The following ATP8A1 variants were observed in gnomAD, a reference collection of about 807,000 sequenced individuals.
ATP8A1 encodes ATPase phospholipid transporting 8A1, also known as phospholipid-transporting ATPase IA.
Under a neutral mutation model 177.7 loss-of-function variants are expected in ATP8A1, and 90 were observed. That is an observed-to-expected ratio of 0.51 (90% CI 0.43 to 0.60). The LOEUF is 0.60. Ranked by LOEUF, ATP8A1 falls within the 20% of genes least tolerant of loss-of-function variation. The pLI is 0.00. For synonymous variants in ATP8A1, 493 were observed against 485.9 expected (o/e 1.01, Z -0.19); for missense variants, 1,072 against 1,392.8 (o/e 0.77, Z 3.67).
chr4:42,530,304 T>C (rs1182279798), intron 20 of ATP8A1, among the ~76,000 whole-genome samples: 1 of 152,180 alleles, frequency 6.6e-6, no homozygotes, highest in Non-Finnish European at 1.5e-5. Flanking sequence ...TATGGCACCA[T>C]TCCTTGGGGT....
chr4:42,606,036 T>G (rs116489994), intron 5 of ATP8A1, among the ~76,000 whole-genome samples: 1,751 of 152,348 alleles, frequency 0.011, 32 homozygotes, highest in Non-Finnish European at 0.019. Context: ...CATTCTTGTT[T>G]TTTCTTTCCC....
At chr4:42,431,973 C>A (rs112477996) in intron 33 of ATP8A1, among the ~76,000 whole-genome samples, 1 of 152,284 alleles carries the variant, frequency 6.6e-6, no homozygotes, top group East Asian at 1.9e-4. Context: ...TCTTTCCAAC[C>A]GCATTGTGGC....
At chr4:42,552,110 C>G (rs1729559566) in intron 17 of ATP8A1, among the ~76,000 whole-genome samples, 1 of 152,134 alleles carries the variant, frequency 6.6e-6, no homozygotes, top group African/African-American at 2.4e-5. Flanking sequence ...AATTGGTGTT[C>G]TAAAGTTATA....
intron 1 of ATP8A1, among the ~76,000 whole-genome samples, chr4:42,652,593 C>T (rs1474161686): frequency 1.3e-5 from 2 of 152,130 alleles, no homozygotes; most frequent in African/African-American, 2.4e-5. Context: ...GCTGTGTCCC[C>T]ACCCAAATCT....
At chr4:42,557,302 A>T (rs1350222390) in intron 15 of ATP8A1, among the ~76,000 whole-genome samples, 1 of 152,236 alleles carries the variant, frequency 6.6e-6, no homozygotes, top group Non-Finnish European at 1.5e-5. Context: ...AAAAAATCTA[A>T]GAAAAAGATA....
chr4:42,514,390 T>C (rs1186350464), intron 22 of ATP8A1, among the ~76,000 whole-genome samples: 1 of 152,220 alleles, frequency 6.6e-6, no homozygotes, highest in African/African-American at 2.4e-5. Context: ...GAACCTATCC[T>C]ACCAGAAAGG....
At chr4:42,528,395 C>T (rs563908634) in intron 20 of ATP8A1, among the ~76,000 whole-genome samples, 100 of 152,142 alleles carry the variant, frequency 6.6e-4, no homozygotes, top group Non-Finnish European at 1.2e-3. Context: ...ACTTGAAAGA[C>T]GCAGGGGTGG....
At chr4:42,415,506 T>C (rs1381932853) in intron 35 of ATP8A1, among the ~76,000 whole-genome samples, 1 of 152,202 alleles carries the variant, frequency 6.6e-6, no homozygotes, top group Admixed American at 6.5e-5. Context: ...ATTTGTTGAA[T>C]ACGTGAAGTT....
intron 5 of ATP8A1, among the ~76,000 whole-genome samples, chr4:42,607,105 C>A (rs981553787): frequency 9.2e-5 from 14 of 152,198 alleles, no homozygotes; most frequent in African/African-American, 3.4e-4. Flanking sequence ...TATTACAGAA[C>A]CTTGCTGTTC....
At chr4:42,628,673 A>G (rs1301705096) in intron 1 of ATP8A1, among the ~76,000 whole-genome samples, 2 of 152,058 alleles carry the variant, frequency 1.3e-5, no homozygotes, top group South Asian at 2.1e-4. Flanking sequence ...TTTTCCCTCT[A>G]GTTTTGTATA....
At chr4:42,640,323 C>T (rs78015123) in intron 1 of ATP8A1, among the ~76,000 whole-genome samples, 4,167 of 152,260 alleles carry the variant, frequency 0.027, 197 homozygotes, top group African/African-American at 0.094. Context: ...GTTTCTCATA[C>T]AAAGAATATA....
At chr4:42,608,856 C>A (rs1300461716) in intron 5 of ATP8A1, among the ~76,000 whole-genome samples, 1 of 152,104 alleles carries the variant, frequency 6.6e-6, no homozygotes, top group African/African-American at 2.4e-5. Flanking sequence ...AGAAGGAAAG[C>A]CAATATGCCA....
intron 30 of ATP8A1, among the ~76,000 whole-genome samples, chr4:42,450,287 A>G (rs1441692725): frequency 6.6e-6 from 1 of 152,238 alleles, no homozygotes; most frequent in Non-Finnish European, 1.5e-5. Context: ...AGATAAAAAA[A>G]ATGTAAGTAG....
At chr4:42,471,873 C>G (rs926607553) in intron 25 of ATP8A1, 1 of 616,988 alleles carries the variant, frequency 1.6e-6, no homozygotes, top group Non-Finnish European at 3.1e-6. Context: ...GTTAAGAGTC[C>G]GGCATCTTTC....
intron 33 of ATP8A1, 37 bp from the exon 34 acceptor site, chr4:42,423,742 C>CA: frequency 1.5e-6 from 2 of 1,332,994 alleles, no homozygotes; most frequent in Non-Finnish European, 2.1e-6. Flanking sequence ...ACTTTAAAAC[C>CA]AAAAAATACA....
chr4:42,627,093 A>G lies in ATP8A1; in HGVS notation c.66T>C (p.Asp22=). ...RSRAEGYEKT[D]DVSEKTSLAD... is the part of the protein sequence containing the mutation. ...CCAGTGAGGTCTTCTCTGAAACATC[A>G]TCTGTCTTCTCATAACCTTAAAAAG... The change falls in exon 2 of 37, where the codon GAT becomes GAC. Residue 22 remains aspartate (D), a synonymous_variant. Coordinates refer to ENST00000381668, the MANE Select transcript of ATP8A1 (RefSeq NM_006095.2). 6.2e-7 allele frequency: 1 copy of G among 1,613,634 alleles called. No homozygotes were observed. The highest frequency in any genetic ancestry group is 8.5e-7 in the Non-Finnish European group (1 of 1,179,564).
rs186132680 is a variant in ATP8A1 at position 42,468,484 on chromosome 4, G to A, written c.2325-3408C>T. On this transcript the variant is annotated intron_variant, in intron 25 of 36. Transcript: ENST00000381668. The stretch of plus-strand genomic sequence containing the variant: ...ACACATACACATATATGAATGAGAT[G>A]GAATACTACTCAACCATAAAAGGAA... 2.0e-5 allele frequency among the ~76,000 whole-genome samples: 3 copies of A among 151,350 alleles called. No individual in the cohort carries two copies. The East Asian group carries it at 5.8e-4, about 29-fold the overall frequency.
intron 23 of ATP8A1, among the ~76,000 whole-genome samples, chr4:42,504,410 G>A (rs1473580086): frequency 6.6e-6 from 1 of 152,146 alleles, no homozygotes; most frequent in African/African-American, 2.4e-5. Flanking sequence ...TCATCATTTG[G>A]GTTAATGGTA....
At chr4:42,469,991 A>C (rs1173347110) in intron 25 of ATP8A1, among the ~76,000 whole-genome samples, 1 of 152,218 alleles carries the variant, frequency 6.6e-6, no homozygotes, top group Non-Finnish European at 1.5e-5. Context: ...AAACATCATA[A>C]AGGCACTGTT....
Sources: allele counts gnomAD v4.1 joint callset (sites outside exome capture counted in the v4.1 genomes callset), GRCh38; gene constraint gnomAD v4.1.1; transcripts MANE v1.5; gene names NCBI Gene and HGNC (gene_info 2026-07-23, HGNC 2026-07-21).